Variants in CCDC192 observed in about 807,000 individuals in gnomAD.
CCDC192 encodes coiled-coil domain-containing protein 192.
intron 2 of CCDC192, among the ~76,000 whole-genome samples, chr5:127,709,202 GGAGAGAGAGAGAGAGAGAGA>G (rs201676720): frequency 7.0e-5 from 6 of 85,696 alleles, no homozygotes; most frequent in South Asian, 6.1e-4. Context: ...GGAGAGAGGG[GGAGAGAGAGAGAGAGAGAGA>G]GAGAGAGAGA....
At chr5:127,857,227 T>C (rs1018813152) in intron 5 of CCDC192, among the ~76,000 whole-genome samples, 1 of 152,188 alleles carries the variant, frequency 6.6e-6, no homozygotes, top group Non-Finnish European at 1.5e-5. Flanking sequence ...GATCCTTACA[T>C]AGGGTTACTC....
intron 5 of CCDC192, among the ~76,000 whole-genome samples, chr5:127,814,449 G>GTAACCCTTGCAAGGCTGCCATGT (rs1758263804): frequency 6.6e-6 from 1 of 152,156 alleles, no homozygotes; most frequent in Non-Finnish European, 1.5e-5. Context: ...CTCTGCCATG[G>GTAACCCTTGCAAGGCTGCCATGT]TAACCCTTGC....
rs375345386 is a variant in CCDC192, at chr5:127,914,811, A to G, written c.536-26371A>G. Among the ~76,000 whole-genome samples the G allele has an allele frequency of 7.9e-5, 12 of 152,350 alleles. No individual in the cohort carries two copies. The East Asian group carries it at 1.9e-3, about 24-fold the overall frequency. On this transcript the variant is annotated intron_variant, in intron 6 of 6. Coordinates refer to ENST00000514853, the MANE Select transcript of CCDC192 (RefSeq NM_001317938.2). Reference sequence around the variant, plus strand: ...ACAACATTATGAGATATATTGATGTATTGATGGGCCGACTGACACATGAAT... The same window carrying G: ...ACAACATTATGAGATATATTGATGTGTTGATGGGCCGACTGACACATGAAT...
chr5:127,750,543 C>G (rs1754086746), intron 2 of CCDC192, among the ~76,000 whole-genome samples: 1 of 150,706 alleles, frequency 6.6e-6, no homozygotes, highest in African/African-American at 2.4e-5. Context: ...AGTATGTGGT[C>G]AATTTTGGAA....
intron 6 of CCDC192, among the ~76,000 whole-genome samples, chr5:127,929,830 C>T (rs1753969073): frequency 6.6e-6 from 1 of 152,088 alleles, no homozygotes; most frequent in Admixed American, 6.5e-5. Flanking sequence ...AGGAGGTATC[C>T]TTAACAAACC....
At chr5:127,936,264 GTTA>G (rs1754184119) in intron 6 of CCDC192, among the ~76,000 whole-genome samples, 1 of 152,152 alleles carries the variant, frequency 6.6e-6, no homozygotes, top group East Asian at 1.9e-4. Context: ...TATCTATTTA[GTTA>G]TTATTAGTCA....
rs889911916 is a variant in CCDC192, at chr5:127,875,357, C to A, written c.412-181C>A. ...CTTTTTTTTGTTGAGGGTTCAAACA[C>A]TCTGACAGGAGCACATACACTGTTT... On this transcript the variant is annotated intron_variant, in intron 5 of 6. Transcript: ENST00000514853. Among the ~76,000 whole-genome samples, 17 of 152,172 alleles carry A rather than the reference C, an allele frequency of 1.1e-4. 1 individual carries two copies. The South Asian group carries it at 3.3e-3, about 30-fold the overall frequency.
At chr5:127,852,151 G>C (rs1023480088) in intron 5 of CCDC192, among the ~76,000 whole-genome samples, 2 of 152,056 alleles carry the variant, frequency 1.3e-5, no homozygotes, top group African/African-American at 4.8e-5. Flanking sequence ...CCTATCACAC[G>C]TGCCTCCTCT....
chr5:127,913,424 C>T (rs1753431444), intron 6 of CCDC192, among the ~76,000 whole-genome samples: 1 of 152,192 alleles, frequency 6.6e-6, no homozygotes, highest in East Asian at 1.9e-4. Flanking sequence ...ATCTTGAGGC[C>T]TCACTGACCA....
At chr5:127,754,763 G>A (rs1363768208) in intron 3 of CCDC192, among the ~76,000 whole-genome samples, 1 of 152,168 alleles carries the variant, frequency 6.6e-6, no homozygotes, top group East Asian at 1.9e-4. Context: ...GCCTATTGGA[G>A]CCATGCAGAA....
intron 5 of CCDC192, among the ~76,000 whole-genome samples, chr5:127,819,445 T>C (rs1749185592): frequency 6.6e-6 from 1 of 152,058 alleles, no homozygotes; most frequent in South Asian, 2.1e-4. Context: ...CACAGGAATA[T>C]TTGAGATTGT....
chr5:127,883,676 T>A (rs749191795), intron 6 of CCDC192, among the ~76,000 whole-genome samples: 15 of 152,224 alleles, frequency 9.9e-5, no homozygotes, highest in Non-Finnish European at 1.8e-4. Context: ...ACAGAAGATC[T>A]CAGGAAATGT....
intron 5 of CCDC192, among the ~76,000 whole-genome samples, chr5:127,815,888 A>G (rs946373926): frequency 4.6e-5 from 7 of 152,122 alleles, no homozygotes; most frequent in Admixed American, 4.6e-4. Flanking sequence ...TAAAAATAAA[A>G]GAGAGAGATG....
At chr5:127,721,566 C>A (rs1449291446) in intron 2 of CCDC192, among the ~76,000 whole-genome samples, 1 of 152,182 alleles carries the variant, frequency 6.6e-6, no homozygotes, top group Non-Finnish European at 1.5e-5. Context: ...ACTCTTCTAA[C>A]CTATGCCCAT....
rs868830914 is a variant in CCDC192, at chr5:127,904,492, A to G, written c.535+28831A>G. ...AGACTGAAAAGCCTCATTTTGGCAG[A>G]GACTTTTTTTTTTTTTTTTTTTTTT... On this transcript the variant is annotated intron_variant, in intron 6 of 6. Coordinates refer to ENST00000514853, the MANE Select transcript of CCDC192 (RefSeq NM_001317938.2). Among the ~76,000 whole-genome samples the G allele has an allele frequency of 1.1e-3, 155 of 144,530 alleles. 2 individuals are homozygous for G. The highest frequency in any genetic ancestry group is 3.8e-3 in the African/African-American group (146 of 38,476). 94.8% of individuals were successfully genotyped at this position (144,530 alleles called of 152,430 possible). A position where few individuals can be genotyped will look rare whatever the true frequency, so the allele number is the denominator to read the frequency against.
At chr5:127,855,076 G>A (rs1286682947) in intron 5 of CCDC192, among the ~76,000 whole-genome samples, 1 of 152,194 alleles carries the variant, frequency 6.6e-6, no homozygotes, top group Non-Finnish European at 1.5e-5. Context: ...CCTTGCCTCA[G>A]TGTTGATGGC....
At chr5:127,877,144 A>T (rs1475514581) in intron 6 of CCDC192, among the ~76,000 whole-genome samples, 2 of 151,768 alleles carry the variant, frequency 1.3e-5, no homozygotes, top group Non-Finnish European at 2.9e-5. Flanking sequence ...CCGGTGCAAA[A>T]ATATATATAT....
intron 5 of CCDC192, among the ~76,000 whole-genome samples, chr5:127,810,855 C>T (rs1029801855): frequency 2.0e-5 from 3 of 152,132 alleles, no homozygotes; most frequent in African/African-American, 7.2e-5. Context: ...GGTCCTCTCT[C>T]CCTCCTGGGA....
chr5:127,709,144 GAAAGA>G (rs1751146164), intron 2 of CCDC192, among the ~76,000 whole-genome samples: 1 of 111,380 alleles, frequency 9.0e-6, no homozygotes, highest in Non-Finnish European at 2.0e-5. Flanking sequence ...AGGGAGGAGA[GAAAGA>G]AGAGAGAGAG....
Sources: allele counts gnomAD v4.1 joint callset (sites outside exome capture counted in the v4.1 genomes callset), GRCh38; gene constraint gnomAD v4.1.1; transcripts MANE v1.5; gene names NCBI Gene and HGNC (gene_info 2026-07-23, HGNC 2026-07-21).